LRRC4C: variants seen among roughly 807,000 people sequenced by gnomAD.
LRRC4C encodes the protein leucine-rich repeat-containing protein 4C.
In LRRC4C, 5 loss-of-function variants were observed where a neutral mutation model predicts 33.6. The observed-to-expected ratio is 0.15, with a 90% CI of 0.08 to 0.31. The LOEUF (loss-of-function observed/expected upper bound fraction) is 0.31, where lower values mean the gene tolerates loss of function less well. Among genes scored for constraint, LRRC4C ranks in the 10% least tolerant of loss-of-function variants. LRRC4C has a pLI of 1.00. For missense variants in LRRC4C, 560 were observed against 796.7 expected (o/e 0.70, Z 3.58); for synonymous variants, 329 against 302.0 (o/e 1.09, Z -0.93).
chr11:40,895,891 G>A (rs1045311525), intron 2 of LRRC4C, among the ~76,000 whole-genome samples: 1 of 152,166 alleles, frequency 6.6e-6, no homozygotes, highest in Admixed American at 6.5e-5. Context: ...TGAAATTTCA[G>A]TCACATTTCC....
Position 40,720,952 on chromosome 11 carries a change from C to A in LRRC4C, c.-406-72674G>T, listed in dbSNP as rs544149587. 2.6e-5 allele frequency among the ~76,000 whole-genome samples: 4 copies of A among 152,132 alleles called. No individual in the cohort carries two copies. In the East Asian group the frequency reaches 7.8e-4, roughly 29 times the overall value. ...TCCTGCTGTCTGAAAGGGACCCTTG[C>A]CATAGGAGATGAGCCTATTCATTAT... On this transcript the variant is annotated intron_variant, in intron 2 of 6. Coordinates refer to ENST00000528697, the MANE Select transcript of LRRC4C (RefSeq NM_001258419.2).
intron 1 of LRRC4C, among the ~76,000 whole-genome samples, chr11:41,275,349 G>C (rs1182418778): frequency 6.6e-6 from 1 of 152,096 alleles, no homozygotes; most frequent in Non-Finnish European, 1.5e-5. Flanking sequence ...CTGAATAATG[G>C]GGTGAAATAT....
intron 1 of LRRC4C, among the ~76,000 whole-genome samples, chr11:41,185,077 C>T (rs1018045300): frequency 6.6e-6 from 1 of 151,956 alleles, no homozygotes; most frequent in African/African-American, 2.4e-5. Flanking sequence ...GGGTCCTTCC[C>T]ATGACACATG....
chr11:40,250,319 C>G (rs1167402325), intron 4 of LRRC4C, among the ~76,000 whole-genome samples: 1 of 152,138 alleles, frequency 6.6e-6, no homozygotes, highest in Non-Finnish European at 1.5e-5. Flanking sequence ...TTAAGCTTCC[C>G]TATGTAATCT....
intron 2 of LRRC4C, among the ~76,000 whole-genome samples, chr11:40,831,257 A>G (rs1374039645): frequency 6.6e-6 from 1 of 152,152 alleles, no homozygotes; most frequent in African/African-American, 2.4e-5. Context: ...TGGTAAATGC[A>G]TAAAAGGTGA....
intron 1 of LRRC4C, among the ~76,000 whole-genome samples, chr11:40,952,849 AACACACACACACACACAC>A (rs56684958): frequency 1.9e-4 from 21 of 112,714 alleles, no homozygotes; most frequent in Non-Finnish European, 3.2e-4. Flanking sequence ...TCTATTTCCA[AACACACACACACACACAC>A]ACACACACAC....
intron 3 of LRRC4C, among the ~76,000 whole-genome samples, chr11:40,517,165 A>G (rs1955593955): frequency 6.6e-6 from 1 of 152,208 alleles, no homozygotes; most frequent in Non-Finnish European, 1.5e-5. Context: ...CTTGAGAGTC[A>G]TGGACACATA....
At chr11:40,916,955 A>T (rs1302874706) in intron 2 of LRRC4C, among the ~76,000 whole-genome samples, 6 of 152,144 alleles carry the variant, frequency 3.9e-5, no homozygotes. Flanking sequence ...AGAAAACTAA[A>T]TATAATACAG....
intron 1 of LRRC4C, among the ~76,000 whole-genome samples, chr11:41,434,822 T>C (rs1178817294): frequency 1.3e-5 from 2 of 152,204 alleles, no homozygotes; most frequent in Non-Finnish European, 2.9e-5. Context: ...TGTGGCTCAG[T>C]GAGCAGCTGG....
chr11:41,123,256 GTTTTGTTT>G (rs1942541747), intron 1 of LRRC4C, among the ~76,000 whole-genome samples: 5 of 107,160 alleles, frequency 4.7e-5, no homozygotes, highest in African/African-American at 1.6e-4. Context: ...CCTGAGCTAT[GTTTTGTTT>G]TTTTTTTTTT....
In LRRC4C at chr11:41,325,318, C is replaced by T. The variant is rs145860268; in HGVS notation, c.-496+134113G>A. On this transcript the variant is annotated intron_variant, in intron 1 of 6. Coordinates refer to ENST00000528697, the MANE Select transcript of LRRC4C (RefSeq NM_001258419.2). ...CACTTTTAAGGTGAGTTATTGAAAA[C>T]TCACTTTTGTTAGAATCCAGTCTGT... is the stretch of plus-strand genomic sequence containing the variant. Among the ~76,000 whole-genome samples the T allele has an allele frequency of 2.3e-4, 35 of 152,174 alleles. No homozygotes were observed. In the East Asian group the frequency reaches 6.0e-3, roughly 26 times the overall value.
chr11:40,814,021 C>A (rs748123383), intron 2 of LRRC4C, among the ~76,000 whole-genome samples: 2 of 152,126 alleles, frequency 1.3e-5, no homozygotes, highest in African/African-American at 2.4e-5. Context: ...ATTGAGTCAG[C>A]GTCTTTTCCA....
intron 3 of LRRC4C, among the ~76,000 whole-genome samples, chr11:40,447,962 G>C (rs1361623072): frequency 6.6e-6 from 1 of 152,136 alleles, no homozygotes; most frequent in Admixed American, 6.5e-5. Flanking sequence ...GATTACAGGT[G>C]CTTGCCACCA....
intron 2 of LRRC4C, among the ~76,000 whole-genome samples, chr11:40,719,636 T>C (rs1013880966): frequency 1.3e-5 from 2 of 152,182 alleles, no homozygotes; most frequent in Non-Finnish European, 2.9e-5. Context: ...GTGAGCAAAA[T>C]TATGTTTGTC....
At chr11:41,065,070 C>A (rs1052113747) in intron 1 of LRRC4C, among the ~76,000 whole-genome samples, 1 of 117,488 alleles carries the variant, frequency 8.5e-6, no homozygotes, top group Non-Finnish European at 1.8e-5. Context: ...GTAGACTCCC[C>A]CGGAAAGGGG....
intron 1 of LRRC4C, among the ~76,000 whole-genome samples, chr11:41,251,048 T>C (rs1166263919): frequency 6.6e-6 from 1 of 152,242 alleles, no homozygotes; most frequent in Non-Finnish European, 1.5e-5. Flanking sequence ...TATCTATCAA[T>C]TCTTATTTTA....
chr11:40,877,872 G>A (rs1290502371), intron 2 of LRRC4C, among the ~76,000 whole-genome samples: 1 of 152,164 alleles, frequency 6.6e-6, no homozygotes, highest in East Asian at 1.9e-4. Context: ...TGGAAAGCCA[G>A]TCGACACGTA....
intron 4 of LRRC4C, among the ~76,000 whole-genome samples, chr11:40,307,957 G>T (rs778930707): frequency 6.6e-6 from 1 of 152,184 alleles, no homozygotes; most frequent in Non-Finnish European, 1.5e-5. Flanking sequence ...GAACAGCTGA[G>T]AAAGAATTAT....
At chr11:40,817,082 G>A (rs1226034262) in intron 2 of LRRC4C, among the ~76,000 whole-genome samples, 1 of 152,104 alleles carries the variant, frequency 6.6e-6, no homozygotes, top group Non-Finnish European at 1.5e-5. Flanking sequence ...AAGACAAATT[G>A]CAGTGGTGTA....
Sources: allele counts gnomAD v4.1 joint callset (sites outside exome capture counted in the v4.1 genomes callset), GRCh38; gene constraint gnomAD v4.1.1; transcripts MANE v1.5; gene names NCBI Gene and HGNC (gene_info 2026-07-23, HGNC 2026-07-21).